Variants in KANK1 observed in about 807,000 individuals in gnomAD.
The protein encoded by KANK1 is KN motif and ankyrin repeat domain-containing protein 1.
A neutral mutation model predicts 106.2 loss-of-function variants in KANK1; 109 were observed. The observed-to-expected ratio is 1.03, with a 90% CI of 0.88 to 1.20. The LOEUF (loss-of-function observed/expected upper bound fraction) is 1.20, where lower values mean the gene tolerates loss of function less well. Among genes scored for constraint, KANK1 ranks in the 50% most tolerant of loss-of-function variants. The probability of loss-of-function intolerance (pLI) is 0.00; values close to 1 mark genes in which losing one functional copy is unlikely to be tolerated. For synonymous variants in KANK1, 873 were observed against 652.2 expected (o/e 1.34, Z -5.16); for missense variants, 2,399 against 1,710.7 (o/e 1.40, Z -7.10).
At chr9:710,605 T>C (rs1825692941) in intron 2 of KANK1, among the ~76,000 whole-genome samples, 199 bp from the exon 3 acceptor site, 1 of 113,914 alleles carries the variant, frequency 8.8e-6, no homozygotes, top group African/African-American at 3.4e-5. Context: ...GGTGACAGAA[T>C]GACCTGTCTC....
intron 1 of KANK1, among the ~76,000 whole-genome samples, chr9:648,245 G>A (rs1840141793): frequency 6.6e-6 from 1 of 151,682 alleles, no homozygotes; most frequent in Admixed American, 6.6e-5. Context: ...CCTGTGATCC[G>A]CCTGCCCCAG....
intron 1 of KANK1, among the ~76,000 whole-genome samples, chr9:534,382 G>A (rs1036094875): frequency 6.6e-6 from 1 of 152,146 alleles, no homozygotes; most frequent in Non-Finnish European, 1.5e-5. Context: ...TTGCTGGGGA[G>A]GCTGTGGATT....
At chr9:584,671 G>A (rs1240757738) in intron 1 of KANK1, among the ~76,000 whole-genome samples, 2 of 152,136 alleles carry the variant, frequency 1.3e-5, no homozygotes, top group East Asian at 1.9e-4. Flanking sequence ...AGATTTGTTA[G>A]GGAACCAAAA....
intron 3 of KANK1, among the ~76,000 whole-genome samples, chr9:498,408 C>G (rs1031551890): frequency 1.1e-4 from 17 of 152,116 alleles, no homozygotes; most frequent in African/African-American, 3.6e-4. Context: ...GGACACAAGA[C>G]AAATTAGATT....
intron 1 of KANK1, among the ~76,000 whole-genome samples, chr9:580,163 G>C (rs1463106442): frequency 6.6e-6 from 1 of 152,098 alleles, no homozygotes; most frequent in Non-Finnish European, 1.5e-5. Context: ...GACCTTCGCG[G>C]TGAGTGTAAC....
chr9:586,120 T>G (rs1356341647), intron 1 of KANK1, among the ~76,000 whole-genome samples: 1 of 152,128 alleles, frequency 6.6e-6, no homozygotes, highest in Admixed American at 6.5e-5. Flanking sequence ...AGCTTTGGAG[T>G]AGATGTACTA....
intron 1 of KANK1, among the ~76,000 whole-genome samples, chr9:596,764 A>G (rs1826325088): frequency 6.6e-6 from 1 of 151,790 alleles, no homozygotes; most frequent in Non-Finnish European, 1.5e-5. Flanking sequence ...TAATATAACA[A>G]TAGGCAGTTT....
In KANK1 at chr9:644,448, G is replaced by A. The variant is rs910032069; in HGVS notation, c.-83-32442G>A. ...AATTGGCTCAGGGTTCCGCAGGCCAGGAAGCATGGTGGCTTCTGGGGAGGC... is the reference window on the plus strand; with the variant it reads ...AATTGGCTCAGGGTTCCGCAGGCCAAGAAGCATGGTGGCTTCTGGGGAGGC... On this transcript the variant is annotated intron_variant, in intron 1 of 11. Coordinates refer to ENST00000382297, the MANE Select transcript of KANK1 (RefSeq NM_015158.5). 3.3e-5 allele frequency among the ~76,000 whole-genome samples: 5 copies of A among 150,990 alleles called. 1 individual carries two copies. The highest frequency in any genetic ancestry group is 1.2e-4 in the African/African-American group (5 of 40,300).
chr9:518,861 A>G (rs552376867), intron 1 of KANK1, among the ~76,000 whole-genome samples: 25 of 151,066 alleles, frequency 1.7e-4, no homozygotes, highest in African/African-American at 5.9e-4. Flanking sequence ...CATGAAGCCT[A>G]TATGGAGTTT....
At chr9:557,554 G>A (rs1025827406) in intron 1 of KANK1, among the ~76,000 whole-genome samples, 1 of 152,176 alleles carries the variant, frequency 6.6e-6, no homozygotes, top group Non-Finnish European at 1.5e-5. Context: ...GGGAATTCTT[G>A]GTAGGGGGCT....
At chr9:722,254 A>G (rs1829523186) in intron 3 of KANK1, among the ~76,000 whole-genome samples, 1 of 152,116 alleles carries the variant, frequency 6.6e-6, no homozygotes, top group Admixed American at 6.5e-5. Flanking sequence ...CCTGAATTCT[A>G]TTTTATTTAT....
intron 8 of KANK1, among the ~76,000 whole-genome samples, chr9:738,813 T>G (rs1320154305): frequency 6.6e-6 from 1 of 152,244 alleles, no homozygotes; most frequent in East Asian, 1.9e-4. Flanking sequence ...CGTTCCCTCC[T>G]GAGCTGAATC....
intron 1 of KANK1, among the ~76,000 whole-genome samples, chr9:661,903 G>T (rs951817085): frequency 2.6e-5 from 4 of 151,550 alleles, no homozygotes; most frequent in Non-Finnish European, 5.9e-5. Context: ...TCATGTGTCT[G>T]TTGGCTGCAT....
intron 1 of KANK1, among the ~76,000 whole-genome samples, chr9:509,838 C>A (rs947822509): frequency 6.6e-6 from 1 of 152,000 alleles, no homozygotes; most frequent in Admixed American, 6.6e-5. Context: ...ATTGTGTCAC[C>A]CAGGCTGGAG....
intron 1 of KANK1, among the ~76,000 whole-genome samples, chr9:652,059 T>C (rs1840997829): frequency 6.6e-6 from 1 of 152,204 alleles, no homozygotes; most frequent in African/African-American, 2.4e-5. Context: ...ATACCTGCTT[T>C]TTGAAGGACA....
intron 1 of KANK1, among the ~76,000 whole-genome samples, chr9:564,221 G>A (rs148883360): frequency 0.041 from 6,281 of 151,890 alleles, 134 homozygotes; most frequent in Non-Finnish European, 0.054. Flanking sequence ...CACCACGCCC[G>A]GCTAATTTTT....
At chr9:734,468 C>G (rs574151277) in intron 6 of KANK1, 3 of 288,110 alleles carry the variant, frequency 1.0e-5, no homozygotes, top group Admixed American at 4.2e-5. Flanking sequence ...GAGTTCAAAA[C>G]CAGCCTGGCC....
At chr9:719,085 G>A (rs1211322735) in intron 3 of KANK1, among the ~76,000 whole-genome samples, 2 of 148,618 alleles carry the variant, frequency 1.3e-5, no homozygotes, top group African/African-American at 2.5e-5. Flanking sequence ...TCAGCCTCCT[G>A]AATAGCTGGG....
At chr9:743,645 G>A (rs750905671) in intron 10 of KANK1, among the ~76,000 whole-genome samples, 2 of 152,148 alleles carry the variant, frequency 1.3e-5, no homozygotes, top group Non-Finnish European at 2.9e-5. Context: ...CAGGAGGATC[G>A]CTCGAGCCCA....
Sources: gnomAD v4.1 joint callset for allele counts (sites outside exome capture counted in the v4.1 genomes callset) on GRCh38, gnomAD v4.1.1 for gene constraint, MANE v1.5 for transcripts, NCBI Gene and HGNC (gene_info 2026-07-23, HGNC 2026-07-21) for gene names.